Variants in WWC2 observed in about 807,000 individuals in gnomAD.
WWC2 encodes the protein WW and C2 domain containing 2.
Under a neutral mutation model 138.5 loss-of-function variants are expected in WWC2, and 101 were observed. The ratio of observed to expected loss-of-function variants is 0.73; its 90% CI spans 0.62 to 0.86. WWC2 has a LOEUF of 0.86. Among genes scored for constraint, WWC2 ranks in the 40% least tolerant of loss-of-function variants. WWC2 has a pLI of 0.00. For synonymous variants in WWC2, 558 were observed against 538.4 expected (o/e 1.04, Z -0.50); for missense variants, 1,420 against 1,419.4 (o/e 1.00, Z -0.01).
intron 1 of WWC2, among the ~76,000 whole-genome samples, chr4:183,173,383 A>G (rs564150338): frequency 9.9e-5 from 15 of 152,078 alleles, no homozygotes; most frequent in South Asian, 8.3e-4. Flanking sequence ...AACCTGTTCT[A>G]TCTCTCTGAA....
At chr4:183,253,480 C>T (rs1042490349) in intron 8 of WWC2, among the ~76,000 whole-genome samples, 8 of 152,102 alleles carry the variant, frequency 5.3e-5, no homozygotes, top group Non-Finnish European at 2.9e-5. Context: ...GTGTACTTGG[C>T]CTTCACCCTT....
intron 8 of WWC2, among the ~76,000 whole-genome samples, chr4:183,252,239 A>G (rs1737000806): frequency 6.6e-6 from 1 of 152,088 alleles, no homozygotes; most frequent in South Asian, 2.1e-4. Flanking sequence ...TGTTTTTCGT[A>G]TTTTGGTGTG....
In WWC2 at chr4:183,140,657, TA is replaced by T. The variant is rs1325503011; in HGVS notation, c.131+41036del. Among the ~76,000 whole-genome samples the T allele has an allele frequency of 2.6e-5, 4 of 152,238 alleles. 1 individual carries two copies. The highest frequency in any genetic ancestry group is 2.6e-4 in the Admixed American group (4 of 15,282). ...TTTTTTACTGTATATAAAGAAGCAT[TA>T]TTTTTAATAAGCAGAATTACAGTTT... On this transcript the variant is annotated intron_variant, in intron 1 of 22. Coordinates refer to ENST00000403733, the MANE Select transcript of WWC2 (RefSeq NM_024949.6).
intron 17 of WWC2, 102 bp from the exon 18 acceptor site, chr4:183,282,606 G>A: frequency 8.4e-7 from 1 of 1,194,800 alleles, no homozygotes; most frequent in South Asian, 1.3e-5. Flanking sequence ...GGCTCATTGT[G>A]TGAGTCTGTT....
At chr4:183,132,493 G>A (rs1460362501) in intron 1 of WWC2, among the ~76,000 whole-genome samples, 1 of 148,290 alleles carries the variant, frequency 6.7e-6, no homozygotes, top group South Asian at 2.1e-4. Context: ...TCGCTCTGTC[G>A]CCCAGGCTGG....
intron 9 of WWC2, among the ~76,000 whole-genome samples, chr4:183,255,553 A>G (rs976743184): frequency 6.6e-6 from 1 of 152,224 alleles, no homozygotes; most frequent in African/African-American, 2.4e-5. Flanking sequence ...AAAATTTTAT[A>G]TAATCATACG....
At chr4:183,115,157 G>GGA (rs1416620490) in intron 1 of WWC2, among the ~76,000 whole-genome samples, 1 of 152,164 alleles carries the variant, frequency 6.6e-6, no homozygotes. Context: ...AATTTGCTTA[G>GGA]GATAATGGCC....
intron 1 of WWC2, among the ~76,000 whole-genome samples, chr4:183,111,698 GT>G (rs563984525): frequency 0.035 from 4,884 of 140,902 alleles, 87 homozygotes; most frequent in Middle Eastern, 0.048. Flanking sequence ...TTTCTGTTTT[GT>G]TTTTTTTTTT....
chr4:183,191,866 T>TA (rs1735001196), intron 1 of WWC2, among the ~76,000 whole-genome samples: 1 of 152,068 alleles, frequency 6.6e-6, no homozygotes, highest in African/African-American at 2.4e-5. Flanking sequence ...GTGCGGAGAT[T>TA]ACAGGCATGA....
At chr4:183,163,527 G>A (rs1734020203) in intron 1 of WWC2, among the ~76,000 whole-genome samples, 1 of 152,168 alleles carries the variant, frequency 6.6e-6, no homozygotes, top group African/African-American at 2.4e-5. Flanking sequence ...CTGGTTTGGG[G>A]GCATGACAAA....
chr4:183,286,514 ACTC>A (rs551140579), intron 20 of WWC2, among the ~76,000 whole-genome samples: 94 of 151,928 alleles, frequency 6.2e-4, no homozygotes, highest in African/African-American at 2.1e-3. Context: ...GAAGGTTAAA[ACTC>A]ATGTGGGTGG....
intron 6 of WWC2, 90 bp from the exon 7 acceptor site, chr4:183,248,624 A>T: frequency 3.7e-6 from 5 of 1,346,350 alleles, no homozygotes; most frequent in Non-Finnish European, 4.0e-6. Context: ...TTCCATTGAG[A>T]TTAGCTCTTT....
intron 1 of WWC2, among the ~76,000 whole-genome samples, chr4:183,178,030 A>G (rs1734514491): frequency 6.6e-6 from 1 of 152,238 alleles, no homozygotes; most frequent in South Asian, 2.1e-4. Context: ...TGCTAACAGC[A>G]TCACTATAGC....
At chr4:183,177,789 C>T (rs1479593537) in intron 1 of WWC2, among the ~76,000 whole-genome samples, 2 of 152,082 alleles carry the variant, frequency 1.3e-5, no homozygotes, top group African/African-American at 2.4e-5. Context: ...ACAGGTGCAC[C>T]GAGATTGATT....
At chr4:183,171,557 ACTTTT>A (rs1171493058) in intron 1 of WWC2, among the ~76,000 whole-genome samples, 1 of 152,180 alleles carries the variant, frequency 6.6e-6, no homozygotes, top group Non-Finnish European at 1.5e-5. Flanking sequence ...TGGTAGGGAA[ACTTTT>A]CTGACTTTTA....
intron 4 of WWC2, among the ~76,000 whole-genome samples, chr4:183,218,375 G>A (rs1306884285): frequency 6.6e-6 from 1 of 151,004 alleles, no homozygotes; most frequent in Non-Finnish European, 1.5e-5. Context: ...ACTAACACAG[G>A]TTGGACATTG....
chr4:183,239,816 G>A (rs1174900838), intron 4 of WWC2, among the ~76,000 whole-genome samples: 1 of 152,330 alleles, frequency 6.6e-6, no homozygotes, highest in Middle Eastern at 3.4e-3. Context: ...GAGGAACGGA[G>A]GGGTGGGCAG....
intron 21 of WWC2, among the ~76,000 whole-genome samples, chr4:183,296,203 G>A (rs12649423): frequency 0.19 from 28,265 of 152,148 alleles, 2,836 homozygotes; most frequent in Non-Finnish European, 0.23. Flanking sequence ...TGTGTACAAA[G>A]CCAAGTGAAG....
intron 1 of WWC2, among the ~76,000 whole-genome samples, chr4:183,115,822 G>A (rs1324084017): frequency 6.6e-6 from 1 of 152,114 alleles, no homozygotes; most frequent in African/African-American, 2.4e-5. Flanking sequence ...TTCTTTTGCT[G>A]TGCAGAAGCT....
Sources: gnomAD v4.1 joint callset for allele counts (sites outside exome capture counted in the v4.1 genomes callset) on GRCh38, gnomAD v4.1.1 for gene constraint, MANE v1.5 for transcripts, NCBI Gene and HGNC (gene_info 2026-07-23, HGNC 2026-07-21) for gene names.